The following RARB variants were observed in gnomAD, a reference collection of about 807,000 sequenced individuals.
The protein encoded by RARB is retinoic acid receptor beta.
A neutral mutation model predicts 51.9 loss-of-function variants in RARB; 17 were observed. That is an observed-to-expected ratio of 0.33 (90% CI 0.22 to 0.49). RARB has a LOEUF of 0.49. RARB is among the 20% of genes least tolerant of loss of function. The pLI, the probability that RARB is intolerant of heterozygous loss-of-function variation, is 0.99. For synonymous variants in RARB, 215 were observed against 195.4 expected, an observed-to-expected ratio of 1.10 and a Z score of -0.84; for missense variants, 369 against 550.8, an observed-to-expected ratio of 0.67 and a Z score of 3.30.
intron 4 of RARB, among the ~76,000 whole-genome samples, chr3:25,153,110 C>G (rs892474448): frequency 6.7e-6 from 1 of 149,672 alleles, no homozygotes; most frequent in African/African-American, 2.5e-5. Context: ...ATTCATAATC[C>G]AAACCAACCA....
chr3:25,542,845 A>T, intron 3 of RARB, among the ~76,000 whole-genome samples: 1 of 152,228 alleles, frequency 6.6e-6, no homozygotes, highest in East Asian at 1.9e-4. Flanking sequence ...TAATCCTTAC[A>T]ATAACTCTGT....
At chr3:25,083,917 C>T (rs6550945) in intron 3 of RARB, among the ~76,000 whole-genome samples, 135,002 of 152,210 alleles carry the variant, frequency 0.89, 60,200 homozygotes, top group African/African-American at 0.97. Context: ...AACTAGATGC[C>T]CTGGGTATTC....
chr3:25,185,136 C>A (rs569505137), intron 5 of RARB, among the ~76,000 whole-genome samples: 47 of 152,166 alleles, frequency 3.1e-4, no homozygotes, highest in African/African-American at 9.6e-4. Flanking sequence ...AGAGCTTATA[C>A]CCTGCCAAGA....
At chr3:25,403,886 TAAA>T (rs546197894) in intron 5 of RARB, among the ~76,000 whole-genome samples, 9 of 88,368 alleles carry the variant, frequency 1.0e-4, no homozygotes, top group African/African-American at 4.3e-4. Context: ...TTTCTTTTTC[TAAA>T]AAAAAAAAAA....
chr3:25,135,829 A>C (rs963759029), intron 4 of RARB, among the ~76,000 whole-genome samples: 1 of 152,020 alleles, frequency 6.6e-6, no homozygotes, highest in African/African-American at 2.4e-5. Context: ...CAAGGCAAAA[A>C]GCTCAACTTA....
At chr3:25,526,997 T>C (rs1337019156) in intron 3 of RARB, among the ~76,000 whole-genome samples, 1 of 152,180 alleles carries the variant, frequency 6.6e-6, no homozygotes, top group Admixed American at 6.5e-5. Flanking sequence ...TGTATGTTTA[T>C]GTGTTTGTGT....
At chr3:24,861,835 C>G (rs865863483) in intron 2 of RARB, among the ~76,000 whole-genome samples, 2 of 151,188 alleles carry the variant, frequency 1.3e-5, no homozygotes, top group South Asian at 4.3e-4. Flanking sequence ...GTGTTACTAG[C>G]AAAGTAGCTT....
chr3:25,414,815 T>C (rs1018623099), intron 5 of RARB, among the ~76,000 whole-genome samples: 2 of 152,224 alleles, frequency 1.3e-5, no homozygotes, highest in African/African-American at 4.8e-5. Context: ...TTTAAAATTC[T>C]AGTTACAAAT....
chr3:25,147,014 A>G (rs1159876774), intron 4 of RARB, among the ~76,000 whole-genome samples: 5 of 152,074 alleles, frequency 3.3e-5, no homozygotes, highest in African/African-American at 7.2e-5. Flanking sequence ...TTGGTCGAGG[A>G]TGGGGCTCTA....
chr3:25,096,734 A>T (rs1301316826), intron 3 of RARB, among the ~76,000 whole-genome samples: 1 of 152,094 alleles, frequency 6.6e-6, no homozygotes, highest in Non-Finnish European at 1.5e-5. Flanking sequence ...TCTCAAGATG[A>T]TTAATCTGGG....
intron 2 of RARB, among the ~76,000 whole-genome samples, chr3:25,482,703 C>T (rs71311501): frequency 6.6e-6 from 1 of 151,540 alleles, no homozygotes. Flanking sequence ...CCATGCCCGG[C>T]TATTTTTTTG....
intron 1 of RARB, among the ~76,000 whole-genome samples, chr3:25,444,890 A>G (rs12631653): frequency 6.6e-6 from 1 of 152,166 alleles, no homozygotes; most frequent in East Asian, 1.9e-4. Flanking sequence ...TGAGCAGACC[A>G]TCTTTAGAGA....
intron 1 of RARB, among the ~76,000 whole-genome samples, chr3:25,449,872 C>T (rs1297265073): frequency 6.6e-6 from 1 of 151,980 alleles, no homozygotes; most frequent in Non-Finnish European, 1.5e-5. Flanking sequence ...CTGCCCCAGC[C>T]TCCCGAGTAA....
At chr3:25,182,845 C>G (rs1267999755) in intron 5 of RARB, among the ~76,000 whole-genome samples, 9 of 152,086 alleles carry the variant, frequency 5.9e-5, no homozygotes, top group African/African-American at 2.2e-4. Flanking sequence ...AGGGTGAGCC[C>G]TAATCCAGTA....
At chr3:25,476,960 A>G (rs1252219333) in intron 2 of RARB, among the ~76,000 whole-genome samples, 2 of 152,250 alleles carry the variant, frequency 1.3e-5, no homozygotes, top group Non-Finnish European at 2.9e-5. Flanking sequence ...AAATCTTGGC[A>G]TGATGTAGGC....
intron 5 of RARB, among the ~76,000 whole-genome samples, chr3:25,370,106 A>C (rs1419051546): frequency 6.6e-6 from 1 of 152,224 alleles, no homozygotes; most frequent in Admixed American, 6.5e-5. Context: ...ATATATACAC[A>C]CACATAGATA....
At chr3:25,424,902 G>C (rs1707948652), upstream of RARB, among the ~76,000 whole-genome samples, 1 of 152,228 alleles carries the variant, frequency 6.6e-6, no homozygotes, top group Non-Finnish European at 1.5e-5. Flanking sequence ...AACAGATGTA[G>C]ACCCTGAACC....
chr3:25,334,495 C>T (rs2125447006), intron 5 of RARB, among the ~76,000 whole-genome samples: 1 of 152,064 alleles, frequency 6.6e-6, no homozygotes, highest in South Asian at 2.1e-4. Context: ...CACTTGGACA[C>T]AGAATGGGGA....
At chr3:25,128,290 C>T (rs1294252317) in intron 3 of RARB, among the ~76,000 whole-genome samples, 1 of 151,828 alleles carries the variant, frequency 6.6e-6, no homozygotes, top group African/African-American at 2.4e-5. Context: ...CTTCCTAAAC[C>T]TCCTTATTTT....
Sources: allele counts gnomAD v4.1 joint callset (sites outside exome capture counted in the v4.1 genomes callset), GRCh38; gene constraint gnomAD v4.1.1; transcripts MANE v1.5; gene names NCBI Gene and HGNC (gene_info 2026-07-23, HGNC 2026-07-21).